TCF4: variants seen among roughly 807,000 people sequenced by gnomAD.
TCF4 encodes the protein transcription factor 4.
In TCF4, 3 loss-of-function variants were observed where a neutral mutation model predicts 82.1. That is an observed-to-expected ratio of 0.04 (90% CI 0.02 to 0.09). The LOEUF is 0.09. Ranked by LOEUF, TCF4 falls within the 10% of genes least tolerant of loss-of-function variation. The pLI is 1.00. For synonymous variants in TCF4, 276 were observed against 309.6 expected, an observed-to-expected ratio of 0.89 and a Z score of 1.14; for missense variants, 518 against 852.7, an observed-to-expected ratio of 0.61 and a Z score of 4.89.
At chr18:55,353,186 CACACTTGCT>C (rs2082669937) in intron 6 of TCF4, among the ~76,000 whole-genome samples, 1 of 152,152 alleles carries the variant, frequency 6.6e-6, no homozygotes, top group African/African-American at 2.4e-5. Flanking sequence ...CCTAAAAACA[CACACTTGCT>C]ATACTGTCTT....
At chr18:55,493,332 T>A (rs1464571816) in intron 3 of TCF4, among the ~76,000 whole-genome samples, 5 of 152,224 alleles carry the variant, frequency 3.3e-5, no homozygotes, top group Non-Finnish European at 5.9e-5. Flanking sequence ...AGGAGTTCTC[T>A]GGTCAAAGCA....
At chr18:55,482,238 C>CT (rs1174375159) in intron 3 of TCF4, 1 of 152,174 alleles carries the variant, frequency 6.6e-6, no homozygotes, top group Non-Finnish European at 1.5e-5. Flanking sequence ...CATTGACTTT[C>CT]AATGGCAGCA....
chr18:55,629,077 T>G (rs1361619438), intron 2 of TCF4, among the ~76,000 whole-genome samples: 2 of 152,208 alleles, frequency 1.3e-5, no homozygotes, highest in African/African-American at 4.8e-5. Context: ...ATTCACAATC[T>G]TATATTTTAC....
intron 5 of TCF4, among the ~76,000 whole-genome samples, chr18:55,443,857 TTGA>T (rs1055878461): frequency 6.6e-6 from 1 of 152,332 alleles, no homozygotes; most frequent in African/African-American, 2.4e-5. Flanking sequence ...TTACTGAGTG[TTGA>T]TGATGTTCTG....
At chr18:55,428,559 T>C (rs1329237997) in intron 5 of TCF4, among the ~76,000 whole-genome samples, 2 of 152,206 alleles carry the variant, frequency 1.3e-5, no homozygotes, top group East Asian at 3.8e-4. Flanking sequence ...TTTTCTAACA[T>C]TCCTGGGGTT....
At chr18:55,510,130 C>T (rs906013488) in intron 3 of TCF4, among the ~76,000 whole-genome samples, 1 of 152,162 alleles carries the variant, frequency 6.6e-6, no homozygotes, top group Non-Finnish European at 1.5e-5. Context: ...TGCAGCACCA[C>T]TTACTGAGTA....
At chr18:55,536,203 T>C (rs1316028384) in intron 3 of TCF4, among the ~76,000 whole-genome samples, 1 of 152,214 alleles carries the variant, frequency 6.6e-6, no homozygotes, top group Non-Finnish European at 1.5e-5. Context: ...CACATCATGG[T>C]CTTCAAGCAT....
At chr18:55,609,897 C>G (rs939421118) in intron 2 of TCF4, among the ~76,000 whole-genome samples, 2 of 141,542 alleles carry the variant, frequency 1.4e-5, no homozygotes, top group Non-Finnish European at 3.2e-5. Flanking sequence ...GATATCACAA[C>G]TTCCACACTC....
intron 3 of TCF4, among the ~76,000 whole-genome samples, chr18:55,532,054 C>T (rs144521003): frequency 3.8e-4 from 58 of 152,226 alleles, no homozygotes; most frequent in African/African-American, 1.3e-3. Flanking sequence ...GCTTTAAAGT[C>T]GGATTTACTC....
intron 6 of TCF4, among the ~76,000 whole-genome samples, chr18:55,398,231 C>A (rs995231458): frequency 6.6e-5 from 10 of 151,888 alleles, no homozygotes; most frequent in Admixed American, 3.3e-4. Flanking sequence ...CCATAACAAT[C>A]CCCCAAAATG....
At chr18:55,426,068 C>T (rs916778096) in intron 5 of TCF4, among the ~76,000 whole-genome samples, 2 of 149,654 alleles carry the variant, frequency 1.3e-5, no homozygotes, top group East Asian at 1.9e-4. Context: ...GGGACATGTC[C>T]ATCCTAAAAC....
intron 6 of TCF4, among the ~76,000 whole-genome samples, chr18:55,383,145 C>A (rs1320611424): frequency 6.6e-6 from 1 of 152,200 alleles, no homozygotes; most frequent in Non-Finnish European, 1.5e-5. Context: ...AATGACGCTA[C>A]CTTTCGCCAA....
chr18:55,318,510 A>G (rs2074704699), intron 8 of TCF4, among the ~76,000 whole-genome samples: 1 of 152,168 alleles, frequency 6.6e-6, no homozygotes, highest in Non-Finnish European at 1.5e-5. Flanking sequence ...GGAAAAAAAA[A>G]TCACAAAAAT....
At chr18:55,234,467 G>A in intron 16 of TCF4, 81 bp downstream of exon 16, 2 of 1,585,248 alleles carry the variant, frequency 1.3e-6, no homozygotes, top group South Asian at 1.1e-5. Flanking sequence ...CTTCTTGAGG[G>A]ATGAACACCA....
chr18:55,390,608 G>A (rs1245512364), intron 6 of TCF4, among the ~76,000 whole-genome samples: 1 of 152,154 alleles, frequency 6.6e-6, no homozygotes, highest in Non-Finnish European at 1.5e-5. Flanking sequence ...GTACCAGTTG[G>A]CTAAGGAAGA....
At chr18:55,434,950 C>CTT (rs1204397063) in intron 5 of TCF4, among the ~76,000 whole-genome samples, 1 of 152,082 alleles carries the variant, frequency 6.6e-6, no homozygotes, top group Non-Finnish European at 1.5e-5. Flanking sequence ...CAATTATACT[C>CTT]TTCCAGTTAT....
At chr18:55,299,728 C>T (rs1347644259) in intron 8 of TCF4, among the ~76,000 whole-genome samples, 1 of 152,086 alleles carries the variant, frequency 6.6e-6, no homozygotes, top group African/African-American at 2.4e-5. Flanking sequence ...GGGTAACATT[C>T]AAAGTGCCTA....
At chr18:55,481,650 A>C (rs2096435141) in intron 3 of TCF4, among the ~76,000 whole-genome samples, 1 of 152,226 alleles carries the variant, frequency 6.6e-6, no homozygotes, top group South Asian at 2.1e-4. Context: ...TACTCCTCCC[A>C]AAACCTTTAA....
chr18:55,236,221 G>A (rs935781028), intron 15 of TCF4, among the ~76,000 whole-genome samples: 1 of 152,138 alleles, frequency 6.6e-6, no homozygotes. Context: ...AAGTATAAAT[G>A]AATGTTTCAG....
Sources: allele counts gnomAD v4.1 joint callset (sites outside exome capture counted in the v4.1 genomes callset), GRCh38; gene constraint gnomAD v4.1.1; transcripts MANE v1.5; gene names NCBI Gene and HGNC (gene_info 2026-07-23, HGNC 2026-07-21).